The following RPL31 variants were observed in gnomAD, a reference collection of about 807,000 sequenced individuals.
The protein encoded by RPL31 is large ribosomal subunit protein eL31.
For missense variants in RPL31, 95 were observed against 164.0 expected, an observed-to-expected ratio of 0.58 and a Z score of 2.30; for synonymous variants, 51 against 55.0, an observed-to-expected ratio of 0.93 and a Z score of 0.32.
downstream of RPL31, chr2:101,010,801 G>C (rs968001135): frequency 2.1e-5 from 15 of 700,818 alleles, no homozygotes; most frequent in Admixed American, 5.5e-5. Flanking sequence ...AGAACTGCTT[G>C]AACCCTGGAG....
At chr2:101,011,955 G>A (rs967925910), downstream of RPL31, among the ~76,000 whole-genome samples, 2 of 152,166 alleles carry the variant, frequency 1.3e-5, no homozygotes, top group Non-Finnish European at 2.9e-5. Context: ...AACTTTTCAG[G>A]ATAGTATTTC....
At chr2:101,009,651 T>A (rs955845785), downstream of RPL31, among the ~76,000 whole-genome samples, 3 of 151,868 alleles carry the variant, frequency 2.0e-5, no homozygotes, top group East Asian at 5.8e-4. Flanking sequence ...TGAGAGCAAT[T>A]CCCAGCACAG....
downstream of RPL31, among the ~76,000 whole-genome samples, chr2:101,008,580 C>G (rs529864501): frequency 1.3e-5 from 2 of 151,990 alleles, no homozygotes; most frequent in Admixed American, 6.6e-5. Flanking sequence ...TGTGGGAGGC[C>G]GAGGCAGGCG....
At chr2:101,017,807 A>G (rs944400210) in intron 4 of RPL31, 89 of 1,542,396 alleles carry the variant, frequency 5.8e-5, no homozygotes, top group African/African-American at 1.4e-5. Context: ...TTTTAATATT[A>G]GTTTTCATAC....
At chr2:101,009,988 ATTTT>A (rs1028879529), downstream of RPL31, among the ~76,000 whole-genome samples, 4 of 146,212 alleles carry the variant, frequency 2.7e-5, no homozygotes, top group Non-Finnish European at 6.1e-5. Context: ...CGTCCAGCTA[ATTTT>A]TTTTTTTGTA....
chr2:101,008,977 A>G (rs911515218), downstream of RPL31, among the ~76,000 whole-genome samples: 2 of 152,234 alleles, frequency 1.3e-5, no homozygotes. Context: ...ATGAAATGGA[A>G]GAGTGATGCC....
intron 4 of RPL31, 82 bp downstream of exon 4, chr2:101,006,153 C>T (rs1678725017): frequency 6.4e-7 from 1 of 1,555,056 alleles, no homozygotes; most frequent in African/African-American, 1.4e-5. Context: ...ATCTGTTAAG[C>T]TAGGGGTGAC....
chr2:101,010,065 A>G (rs558232602), downstream of RPL31, among the ~76,000 whole-genome samples: 6 of 152,014 alleles, frequency 3.9e-5, no homozygotes, highest in Admixed American at 1.3e-4. Context: ...TGACCTCGTA[A>G]TCCACCCGCC....
downstream of RPL31, chr2:101,008,301 A>C (rs761708549): frequency 2.7e-6 from 4 of 1,485,726 alleles, no homozygotes; most frequent in African/African-American, 2.8e-5. Context: ...CTTAGGTAGC[A>C]GCAGAACCAG....
At chr2:101,008,167 TGCA>T, downstream of RPL31, 1 of 1,613,820 alleles carries the variant, frequency 6.2e-7, no homozygotes, top group Non-Finnish European at 8.5e-7. Flanking sequence ...CTCCCCGATC[TGCA>T]GCAGCAGTGT....
At chr2:101,018,045 C>T (rs1297587191) in intron 4 of RPL31, 7 of 1,015,226 alleles carry the variant, frequency 6.9e-6, no homozygotes, top group Non-Finnish European at 1.0e-5. Context: ...CCCTTTTTCA[C>T]TGACAAATGT....
chr2:101,004,006 G>T, intron 2 of RPL31, 152 bp from the exon 3 acceptor site: 1 of 777,474 alleles, frequency 1.3e-6, no homozygotes, highest in Non-Finnish European at 2.0e-6. Context: ...AAGCACACTG[G>T]CCTACTGTAT....
intron 1 of RPL31, 69 bp downstream of exon 1, chr2:101,002,384 G>A (rs1678574076): frequency 8.0e-6 from 3 of 376,026 alleles, no homozygotes; most frequent in Non-Finnish European, 1.5e-5. Flanking sequence ...TGTGCTAACT[G>A]GGACCGCAAA....
chr2:101,017,824 T>A (rs1331307616), intron 4 of RPL31: 1 of 1,549,476 alleles, frequency 6.5e-7, no homozygotes, highest in Non-Finnish European at 8.7e-7. Flanking sequence ...ATACTAATAC[T>A]AACAGTGAAG....
intron 2 of RPL31, among the ~76,000 whole-genome samples, chr2:101,003,573 A>G (rs1240876636): frequency 1.3e-5 from 2 of 152,214 alleles, no homozygotes; most frequent in African/African-American, 2.4e-5. Flanking sequence ...AGCTGTGTGA[A>G]GAACAAGGGA....
At chr2:101,014,834 T>C (rs921404840) in intron 4 of RPL31, among the ~76,000 whole-genome samples, 1 of 152,184 alleles carries the variant, frequency 6.6e-6, no homozygotes, top group Admixed American at 6.5e-5. Context: ...ATAACTTGAG[T>C]GCCAAACTTC....
At chr2:101,017,151 C>G (rs566351461) in intron 4 of RPL31, among the ~76,000 whole-genome samples, 1 of 152,136 alleles carries the variant, frequency 6.6e-6, no homozygotes, top group East Asian at 1.9e-4. Context: ...TCAGTGTCTT[C>G]CACGTCCACA....
At chr2:101,018,350 G>T in intron 4 of RPL31, 1 of 157,448 alleles carries the variant, frequency 6.4e-6, no homozygotes, top group East Asian at 1.9e-4. Flanking sequence ...GGTTTTCAAC[G>T]TTTTAAGTGC....
In RPL31 at chr2:101,006,021, C is replaced by T; in HGVS notation, c.296C>T (p.Pro99Leu). 2 of 1,613,958 alleles carry T rather than the reference C, an allele frequency of 1.2e-6. No individual in the cohort carries two copies. The highest frequency in any genetic ancestry group is 1.7e-6 in the Non-Finnish European group (2 of 1,180,012). The change falls in exon 4 of 5, where the codon CCA becomes CTA. Residue 99 changes from proline (P) to leucine (L), a missense_variant. Pro to Leu is a moderately conservative substitution (Grantham distance 98, BLOSUM62 -3). Transcript: ENST00000264258. ...AAACGTAATGAGGATGAAGATTCAC[C>T]AAATAAGCTATATACTTTGGTTACC... ...SRKRNEDEDSPNKLYTLVTYV... is the reference protein window; with the variant it reads ...SRKRNEDEDSLNKLYTLVTYV...
Sources: allele counts gnomAD v4.1 joint callset (sites outside exome capture counted in the v4.1 genomes callset), GRCh38; gene constraint gnomAD v4.1.1; transcripts MANE v1.5; gene names NCBI Gene and HGNC (gene_info 2026-07-23, HGNC 2026-07-21).